Variants in RBM26 observed in about 807,000 individuals in gnomAD.
RBM26 encodes the protein RNA binding motif protein 26.
In RBM26, 30 loss-of-function variants were observed where a neutral mutation model predicts 123.6. The observed-to-expected ratio is 0.24, with a 90% confidence interval of 0.18 to 0.33. The LOEUF (loss-of-function observed/expected upper bound fraction) is 0.33, where lower values mean the gene tolerates loss of function less well. Among genes scored for constraint, RBM26 ranks in the 10% least tolerant of loss-of-function variants. The probability of loss-of-function intolerance (pLI) is 1.00; values close to 1 mark genes in which losing one functional copy is unlikely to be tolerated. For synonymous variants in RBM26, 400 were observed against 404.4 expected, an observed-to-expected ratio of 0.99 and a Z score of 0.13; for missense variants, 947 against 1,203.6, an observed-to-expected ratio of 0.79 and a Z score of 3.15.
chr13:79,368,965 A>G lies in RBM26; in HGVS notation c.660T>C (p.Tyr220=), dbSNP rs751815307. The change falls in exon 6 of 22, where the codon TAT becomes TAC. Residue 220 remains tyrosine (Y), a synonymous_variant. Coordinates refer to ENST00000438737, the MANE Select transcript of RBM26 (RefSeq NM_001366735.2). The part of the protein sequence containing the change: ...SRERDLVKPK[Y]DLDRTDPLEN... ...CTAATGGATCTGTTCTATCCAGGTC[A>G]TATTTAGGTTTTACCAGATCCCTTT... The G allele has an allele frequency of 3.1e-6, 5 of 1,608,950 alleles. No homozygotes were observed.
At chr13:79,353,574 C>T (rs939413456) in intron 13 of RBM26, among the ~76,000 whole-genome samples, 1 of 152,078 alleles carries the variant, frequency 6.6e-6, no homozygotes, top group African/African-American at 2.4e-5. Context: ...CCAACTTCTT[C>T]TAAAGTATGT....
At chr13:79,335,805 T>C (rs1337539337) in intron 19 of RBM26, among the ~76,000 whole-genome samples, 7 of 152,290 alleles carry the variant, frequency 4.6e-5, no homozygotes, top group Non-Finnish European at 1.0e-4. Context: ...CATTCATTGT[T>C]AGTTTCCTGA....
chr13:79,390,695 T>C (rs1235251982), intron 1 of RBM26, among the ~76,000 whole-genome samples: 1 of 152,178 alleles, frequency 6.6e-6, no homozygotes, highest in African/African-American at 2.4e-5. Flanking sequence ...CAAAGGATAA[T>C]AGTGACAAGC....
chr13:79,391,536 G>A (rs996233478), intron 1 of RBM26, among the ~76,000 whole-genome samples: 1 of 152,088 alleles, frequency 6.6e-6, no homozygotes, highest in Non-Finnish European at 1.5e-5. Context: ...CAATTCTCCT[G>A]CTTCAGCTTC....
chr13:79,367,626 C>T (rs992762657), intron 6 of RBM26, among the ~76,000 whole-genome samples: 1 of 151,852 alleles, frequency 6.6e-6, no homozygotes, highest in African/African-American at 2.4e-5. Context: ...CCACCACCAA[C>T]CCCACTCTTG....
At position 79,364,582 on chromosome 13, in the gene RBM26, A is replaced by G. The variant is rs141151289; in HGVS notation, c.1417+996T>C. ...ATGTCTGACAATCCTTCATTTCCCT[A>G]TATCAAATGTGATCTGTAGCAAATA... is the stretch of plus-strand genomic sequence containing the variant. On this transcript the variant is annotated intron_variant, in intron 9 of 21. Coordinates refer to ENST00000438737, the MANE Select transcript of RBM26 (RefSeq NM_001366735.2). 1.2e-4 allele frequency among the ~76,000 whole-genome samples: 18 copies of G among 152,324 alleles called. No homozygotes were observed. The East Asian group carries it at 2.7e-3, about 23-fold the overall frequency.
intron 1 of RBM26, among the ~76,000 whole-genome samples, chr13:79,381,401 A>C (rs1390878767): frequency 6.7e-6 from 1 of 149,846 alleles, no homozygotes; most frequent in Admixed American, 6.8e-5. Context: ...CAAGCTAAAC[A>C]TATTTCAATT....
intron 7 of RBM26, 77 bp downstream of exon 7, chr13:79,366,550 CTTTTAA>C: frequency 7.2e-7 from 1 of 1,380,098 alleles, no homozygotes; most frequent in Non-Finnish European, 9.8e-7. Context: ...CCTTTAGATA[CTTTTAA>C]TTTAAGAATC....
At chr13:79,328,197 TA>T (rs1310400041) in intron 20 of RBM26, among the ~76,000 whole-genome samples, 6 of 152,216 alleles carry the variant, frequency 3.9e-5, no homozygotes, top group Middle Eastern at 3.4e-3. Context: ...TGAAAGTGAG[TA>T]ATAATTGGGT....
chr13:79,327,295 CA>C (rs5805024), intron 20 of RBM26, among the ~76,000 whole-genome samples: 111,251 of 123,102 alleles, frequency 0.9, 50,369 homozygotes, highest in East Asian at 0.98. Context: ...GAACCTGTCT[CA>C]AAAAAAAAAA....
chr13:79,354,708 T>C (rs886401074), intron 12 of RBM26, 138 bp from the exon 13 acceptor site: 8 of 657,036 alleles, frequency 1.2e-5, no homozygotes, highest in Non-Finnish European at 1.9e-5. Flanking sequence ...AACTGCCTTC[T>C]AATTTCATCC....
intron 14 of RBM26, among the ~76,000 whole-genome samples, chr13:79,348,407 A>G (rs886579852): frequency 2.6e-5 from 4 of 152,254 alleles, no homozygotes; most frequent in African/African-American, 7.2e-5. Flanking sequence ...CACAATAACT[A>G]TAAGTAATCG....
chr13:79,399,501 TAA>T (rs1202740611), intron 1 of RBM26, among the ~76,000 whole-genome samples: 1 of 152,142 alleles, frequency 6.6e-6, no homozygotes, highest in Non-Finnish European at 1.5e-5. Context: ...TTGCTGAAAT[TAA>T]GACTCATATA....
chr13:79,338,680 C>G (rs2070870572), intron 18 of RBM26, among the ~76,000 whole-genome samples: 2 of 152,044 alleles, frequency 1.3e-5, no homozygotes, highest in Non-Finnish European at 2.9e-5. Context: ...GTGATGTAAC[C>G]AAATCAGTGC....
Position 79,319,143 on chromosome 13 carries a change from A to G in RBM26, c.*1478T>C. ...CAACTTCAACCCCAATTAGGGGTGT[A>G]TGGGGAAGAAGAAAAAGAACAGCAT... On this transcript the variant is annotated 3_prime_UTR_variant, in exon 22 of 22. Coordinates refer to ENST00000438737, the MANE Select transcript of RBM26 (RefSeq NM_001366735.2). 1.0e-6 allele frequency: 1 copy of G among 984,684 alleles called. No homozygotes were observed. Among genetic ancestry groups the G allele is most frequent in the Non-Finnish European group, 1.2e-6 (1 of 829,430 alleles). 61.0% of individuals were successfully genotyped at this position (984,684 alleles called of 1,614,324 possible).
exon 5 of RBM26, chr13:79,313,586 A>G (rs1441904529): frequency 6.6e-6 from 1 of 151,778 alleles, no homozygotes; most frequent in African/African-American, 2.4e-5. Flanking sequence ...ATTTGGGGAA[A>G]TATTTATGAA....
At chr13:79,329,017 T>C (rs1173055863) in intron 20 of RBM26, among the ~76,000 whole-genome samples, 1 of 151,992 alleles carries the variant, frequency 6.6e-6, no homozygotes, top group Admixed American at 6.6e-5. Context: ...TTCTCATACA[T>C]CTTTGGTGGG....
chr13:79,316,192 G>GGTGTGTGTGTGT (rs3064578), downstream of RBM26, among the ~76,000 whole-genome samples: 9,354 of 141,972 alleles, frequency 0.066, 344 homozygotes, highest in South Asian at 0.093. Context: ...AAGTGGGGCA[G>GGTGTGTGTGTGT]GTGTGTGTGT....
chr13:79,369,028 T>C (rs747842034), intron 5 of RBM26, 38 bp from the exon 6 acceptor site: 1 of 1,313,158 alleles, frequency 7.6e-7, no homozygotes, highest in Non-Finnish European at 1.0e-6. Flanking sequence ...AACTACACTG[T>C]ATTAAAAAAA....
Sources: allele counts gnomAD v4.1 joint callset (sites outside exome capture counted in the v4.1 genomes callset), GRCh38; gene constraint gnomAD v4.1.1; transcripts MANE v1.5; gene names NCBI Gene and HGNC (gene_info 2026-07-23, HGNC 2026-07-21).